Variants in PROSER3 observed in about 807,000 individuals in gnomAD.
The protein encoded by PROSER3 is proline and serine rich 3, also known as proline and serine-rich protein 3.
PROSER3 carries 33 observed loss-of-function variants against 50.2 expected under a neutral mutation model. That is an observed-to-expected ratio of 0.66 (90% CI 0.50 to 0.88). The LOEUF (loss-of-function observed/expected upper bound fraction) is 0.88. Among genes scored for constraint, PROSER3 ranks in the 40% least tolerant of loss-of-function variants. The pLI, the probability that PROSER3 is intolerant of heterozygous loss-of-function variation, is 0.00. For synonymous variants in PROSER3, 266 were observed against 259.3 expected (o/e 1.03, Z -0.25); for missense variants, 623 against 612.7 (o/e 1.02, Z -0.18).
Position 35,766,755 on chromosome 19 carries a change from C to G in PROSER3, c.770-13C>G. 1.3e-6 allele frequency: 2 copies of G among 1,538,732 alleles called. No individual in the cohort carries two copies. The highest frequency in any genetic ancestry group is 1.8e-6 in the Non-Finnish European group (2 of 1,137,420). On this transcript the variant is annotated splice_polypyrimidine_tract_variant and intron_variant, in intron 7 of 10. Coordinates refer to ENST00000396908, the Ensembl canonical transcript of PROSER3. ...CCCCTGCCTCACCCTCTCCTCTCTA[C>G]CTCCCCCTACAGCATCCCCGGCACC...
chr19:35,760,105 G>A (rs2146559211), intron 3 of PROSER3, 114 bp downstream of exon 3: 1 of 1,149,510 alleles, frequency 8.7e-7, no homozygotes, highest in Non-Finnish European at 1.2e-6. Context: ...TTTAGGACCA[G>A]GCAGTTTATG....
chr19:35,768,579 T>TC, exon 11 of PROSER3: 3 of 450,966 alleles, frequency 6.7e-6, no homozygotes, highest in African/African-American at 6.9e-5. Context: ...AGTGAGGCTC[T>TC]TTTTTTTTTT....
Position 35,761,184 on chromosome 19 carries a change from G to A in PROSER3, c.312-835G>A, listed in dbSNP as rs540050522. ...AAGAACTTAGTCACGTGGTCACAAG[G>A]CTACAAGGGTACCTGGTAAATATAG... On this transcript the variant is annotated intron_variant, in intron 3 of 10. Transcript: ENST00000396908. Among the ~76,000 whole-genome samples, 7 of 152,280 alleles carry A rather than the reference G, an allele frequency of 4.6e-5. No homozygotes were observed. In the South Asian group the frequency reaches 1.2e-3, roughly 27 times the overall value.
intron 3 of PROSER3, among the ~76,000 whole-genome samples, chr19:35,760,870 C>T (rs1970934472): frequency 6.6e-6 from 1 of 152,190 alleles, no homozygotes; most frequent in Non-Finnish European, 1.5e-5. Context: ...TCTAGCAGTG[C>T]TTCTCACATA....
At chr19:35,764,528 T>C (rs1971072013) in intron 5 of PROSER3, among the ~76,000 whole-genome samples, 2 of 152,090 alleles carry the variant, frequency 1.3e-5, no homozygotes, top group Admixed American at 1.3e-4. Context: ...TGGTGGCGCA[T>C]GCCTGTAATC....
At chr19:35,760,555 G>A (rs1274696678) in intron 3 of PROSER3, among the ~76,000 whole-genome samples, 4 of 151,944 alleles carry the variant, frequency 2.6e-5, no homozygotes, top group African/African-American at 4.8e-5. Flanking sequence ...GCATGATCTC[G>A]GCTTACTGCA....
At position 35,767,908 on chromosome 19, in the gene PROSER3, ACT is replaced by A. The variant is rs1382578153; in HGVS notation, c.1068_1069del (p.Pro357SerfsTer2). On this transcript the variant is annotated frameshift_variant, in exon 9 of 11. Coordinates refer to ENST00000396908, the Ensembl canonical transcript of PROSER3. LOFTEE classifies it high-confidence loss of function. The stretch of plus-strand genomic sequence containing the variant: ...GAGCCTGCCTGCAGCCCGAGGTCCC[ACT>A]CTCTCCAGCTGAGCAGGCAACCACA... The A allele has an allele frequency of 1.2e-6, 2 of 1,612,178 alleles. No individual in the cohort carries two copies. Among genetic ancestry groups the A allele is most frequent in the African/African-American group, 1.3e-5 (1 of 74,730 alleles).
At chr19:35,767,826 C>T (rs951290758) in exon 9 of PROSER3, 7 of 1,613,074 alleles carry the variant, frequency 4.3e-6, no homozygotes, top group South Asian at 1.1e-5. Context: ...AAAGCCAAGG[C>T]CTTGCCGCCC....
chr19:35,766,935 A>G, exon 8 of PROSER3: 2 of 1,554,120 alleles, frequency 1.3e-6, no homozygotes, highest in Non-Finnish European at 1.7e-6. Context: ...GCCGCCTCTG[A>G]CCCCTGCCCT....
chr19:35,764,815 T>A, intron 5 of PROSER3, 39 bp from the exon 6 acceptor site: 1 of 1,573,900 alleles, frequency 6.4e-7, no homozygotes, highest in Non-Finnish European at 8.7e-7. Flanking sequence ...CCCAGCAGCC[T>A]TTGGGTTGGG....
chr19:35,758,691 G>A (rs1970852283), intron 1 of PROSER3: 1 of 157,412 alleles, frequency 6.4e-6, no homozygotes, highest in African/African-American at 2.4e-5. Context: ...TTTTAAGACA[G>A]AGTCTCTCGC....
intron 6 of PROSER3, 23 bp from the exon 7 acceptor site, chr19:35,765,011 T>C (rs565835448): frequency 6.2e-7 from 1 of 1,612,898 alleles, no homozygotes; most frequent in Non-Finnish European, 8.5e-7. Context: ...CTCCATTGCC[T>C]CACTCCTGCC....
At chr19:35,768,106 C>A (rs751284687) in intron 9 of PROSER3, 41 bp downstream of exon 9, 2 of 1,598,150 alleles carry the variant, frequency 1.3e-6, no homozygotes, top group Middle Eastern at 3.3e-4. Flanking sequence ...GCAGGCCAGC[C>A]CCCTAAGAGG....
chr19:35,768,210 T>C (rs1171584327), exon 10 of PROSER3: 3 of 1,613,430 alleles, frequency 1.9e-6, no homozygotes, highest in Admixed American at 1.7e-5. Context: ...TAAGAGCCCA[T>C]AGGGCAGAGC....
chr19:35,766,222 T>G (rs1971136773), intron 7 of PROSER3, among the ~76,000 whole-genome samples: 1 of 151,960 alleles, frequency 6.6e-6, no homozygotes, highest in African/African-American at 2.4e-5. Context: ...CTGCTGTAAC[T>G]CCAGTGTCCA....
rs186555510 is a variant in PROSER3, at chr19:35,767,743, G to A, written c.958-61G>A. The A allele has an allele frequency of 2.0e-4, 307 of 1,553,402 alleles. 4 individuals carry two copies. In the African/African-American group the frequency reaches 3.7e-3, roughly 19 times the overall value. On this transcript the variant is annotated intron_variant, in intron 8 of 10. Coordinates refer to ENST00000396908, the Ensembl canonical transcript of PROSER3. ...CCAAGGCTGGATCTCCGAAAGTCCA[G>A]GCCACACAACCCCAAACCAAGGTCA...
rs371097615 is a variant in PROSER3, at chr19:35,765,213, G to A, written c.769+37G>A. 317 of 1,600,218 alleles carry A rather than the reference G, an allele frequency of 2.0e-4. 2 individuals carry two copies. In the East Asian group the frequency reaches 4.4e-3, roughly 22 times the overall value. On this transcript the variant is annotated intron_variant, in intron 7 of 10. Transcript: ENST00000396908. ...GAGGCAAAGACTGAGGGCAGCCTGG[G>A]TGCAAATCCCAACTCTGCCACTGAC...
At chr19:35,765,210 T>C in intron 7 of PROSER3, 34 bp downstream of exon 7, 1 of 1,602,992 alleles carries the variant, frequency 6.2e-7, no homozygotes, top group Non-Finnish European at 8.5e-7. Context: ...GAGGGCAGCC[T>C]GGGTGCAAAT....
chr19:35,767,155 T>C (rs1199103154), intron 8 of PROSER3: 8 of 632,670 alleles, frequency 1.3e-5, no homozygotes, highest in Non-Finnish European at 7.6e-6. Context: ...TGGCCCAGCC[T>C]GGTCCACCAG....
Sources: gnomAD v4.1 joint callset for allele counts (sites outside exome capture counted in the v4.1 genomes callset) on GRCh38, gnomAD v4.1.1 for gene constraint, MANE v1.5 for transcripts, NCBI Gene and HGNC (gene_info 2026-07-23, HGNC 2026-07-21) for gene names.